The following RC3H1 variants were observed in gnomAD, a reference collection of about 807,000 sequenced individuals.
RC3H1 encodes the protein ring finger and CCCH-type domains 1.
In RC3H1, 50 loss-of-function variants were observed where a neutral mutation model predicts 138.2. The ratio of observed to expected loss-of-function variants is 0.36; its 90% CI spans 0.29 to 0.46. The LOEUF (loss-of-function observed/expected upper bound fraction) is 0.46. Among genes scored for constraint, RC3H1 ranks in the 20% least tolerant of loss-of-function variants. The pLI is 1.00. For synonymous variants in RC3H1, 462 were observed against 489.1 expected (o/e 0.94, Z 0.73); for missense variants, 1,031 against 1,388.1 (o/e 0.74, Z 4.09).
At chr1:173,958,589 A>T (rs548786901) in intron 13 of RC3H1, among the ~76,000 whole-genome samples, 140 of 152,284 alleles carry the variant, frequency 9.2e-4, no homozygotes, top group African/African-American at 3.2e-3. Context: ...AGACAAATAA[A>T]ATTGATAAAT....
At chr1:173,942,179 T>G (rs1337596813) in intron 18 of RC3H1, among the ~76,000 whole-genome samples, 1 of 149,792 alleles carries the variant, frequency 6.7e-6, no homozygotes, top group Non-Finnish European at 1.5e-5. Flanking sequence ...GAGGCAGAGG[T>G]TGCAGCGAGC....
At chr1:173,941,629 GA>G (rs990082081) in intron 18 of RC3H1, among the ~76,000 whole-genome samples, 3 of 152,052 alleles carry the variant, frequency 2.0e-5, no homozygotes, top group Non-Finnish European at 4.4e-5. Context: ...AAATTTCTCA[GA>G]AAAAAACAAT....
chr1:173,959,653 C>A (rs6425263), intron 13 of RC3H1, among the ~76,000 whole-genome samples: 1 of 151,912 alleles, frequency 6.6e-6, no homozygotes. Flanking sequence ...TGCCTGTAGT[C>A]CCAGCTACTT....
At chr1:174,009,800 T>C (rs982236961) in intron 1 of RC3H1, among the ~76,000 whole-genome samples, 14 of 152,216 alleles carry the variant, frequency 9.2e-5, no homozygotes, top group Admixed American at 6.5e-5. Flanking sequence ...ATCGTGCCAC[T>C]GCACTATAGC....
At chr1:174,018,252 C>T (rs949871674) in intron 1 of RC3H1, among the ~76,000 whole-genome samples, 5 of 152,150 alleles carry the variant, frequency 3.3e-5, no homozygotes, top group African/African-American at 9.7e-5. Flanking sequence ...CTCTGACATA[C>T]ATCTGCAAAT....
At chr1:174,005,593 G>A (rs901577583) in intron 1 of RC3H1, among the ~76,000 whole-genome samples, 3 of 151,890 alleles carry the variant, frequency 2.0e-5, no homozygotes, top group Admixed American at 1.3e-4. Flanking sequence ...AGATACTGAC[G>A]GACCTTCACA....
chr1:173,993,035 G>A lies in RC3H1; in HGVS notation c.-50C>T. 7.6e-7 allele frequency: 1 copy of A among 1,309,186 alleles called. No homozygotes were observed. Among genetic ancestry groups the A allele is most frequent in the Non-Finnish European group, 1.1e-6 (1 of 911,698 alleles). 81.1% of individuals were successfully genotyped at this position (1,309,186 alleles called of 1,614,324 possible). A position where few individuals can be genotyped will look rare whatever the true frequency, so the allele number is the denominator to read the frequency against. ...ACACAAACACACACACAAATCTAAA[G>A]CAAAGATTCCACTGGAATCAAAATC... On this transcript the variant is annotated 5_prime_UTR_variant, in exon 2 of 20. Coordinates refer to ENST00000367696, the MANE Select transcript of RC3H1 (RefSeq NM_172071.4).
intron 14 of RC3H1, among the ~76,000 whole-genome samples, chr1:173,951,587 C>T (rs1331611716): frequency 1.3e-5 from 2 of 151,960 alleles, no homozygotes; most frequent in African/African-American, 4.8e-5. Flanking sequence ...GTCACCCAGG[C>T]TGGAGTGCAG....
At chr1:173,947,670 G>T (rs1659191988) in intron 14 of RC3H1, 88 bp from the exon 15 acceptor site, 3 of 929,886 alleles carry the variant, frequency 3.2e-6, no homozygotes, top group South Asian at 2.8e-5. Flanking sequence ...GGTTAAAGAA[G>T]AGTACAGCAC....
intron 1 of RC3H1, among the ~76,000 whole-genome samples, chr1:174,017,000 T>C (rs1557954762): frequency 1.3e-5 from 2 of 152,170 alleles, no homozygotes; most frequent in Admixed American, 6.5e-5. Flanking sequence ...CTAACACTTA[T>C]TCAACAAGGG....
chr1:173,943,373 T>G, intron 18 of RC3H1, 69 bp downstream of exon 18: 1 of 1,478,100 alleles, frequency 6.8e-7, no homozygotes, highest in Non-Finnish European at 9.2e-7. Flanking sequence ...TCTGTGCCTC[T>G]AGATAATTCT....
chr1:173,972,450 C>T (rs975618074), intron 8 of RC3H1, 59 bp downstream of exon 8: 3 of 1,166,536 alleles, frequency 2.6e-6, no homozygotes, highest in Non-Finnish European at 3.9e-6. Context: ...AGTGGTTTAC[C>T]TATAGTTTTA....
chr1:174,008,976 GAAAAAAAAAAA>G (rs59047478), intron 1 of RC3H1, among the ~76,000 whole-genome samples: 1 of 84,242 alleles, frequency 1.2e-5, no homozygotes, highest in African/African-American at 3.8e-5. Flanking sequence ...GACTTTGTCT[GAAAAAAAAAAA>G]AAAAAAAAAA....
chr1:174,020,564 T>C (rs1661938831), intron 1 of RC3H1, among the ~76,000 whole-genome samples: 1 of 152,196 alleles, frequency 6.6e-6, no homozygotes, highest in South Asian at 2.1e-4. Flanking sequence ...CCCTTAGGCC[T>C]TGCAGTTGAA....
At chr1:173,951,330 C>A (rs531001615) in intron 14 of RC3H1, among the ~76,000 whole-genome samples, 7 of 151,564 alleles carry the variant, frequency 4.6e-5, no homozygotes, top group Non-Finnish European at 8.8e-5. Flanking sequence ...CATCCCCCCC[C>A]CAAAAAAAGA....
At chr1:173,977,815 A>G (rs1440618407) in intron 7 of RC3H1, among the ~76,000 whole-genome samples, 2 of 152,230 alleles carry the variant, frequency 1.3e-5, no homozygotes, top group Admixed American at 1.3e-4. Flanking sequence ...GAGATCACAG[A>G]AAGATATCAA....
rs1219492992 is a variant in RC3H1, at chr1:173,961,222, G to A, written c.2225C>T (p.Pro742Leu). The A allele has an allele frequency of 2.5e-6, 4 of 1,612,756 alleles. No homozygotes were observed. The highest frequency in any genetic ancestry group is 3.4e-6 in the Non-Finnish European group (4 of 1,179,630). ...ACTAGGATGAGGCTGGGGAGGAGGA[G>A]GAAGCCGGCTATAAGGAGGTTCCTA... The part of the protein sequence containing the change: ...YLREPPYSRL[P>L]PPPQPHPSLD... The change falls in exon 13 of 20, where the codon CCT becomes CTT. Residue 742 changes from proline to leucine, a missense_variant. Pro to Leu is a moderately conservative substitution (Grantham distance 98). Coordinates refer to ENST00000367696, the MANE Select transcript of RC3H1 (RefSeq NM_172071.4).
rs538267312 is a variant in RC3H1 at position 173,997,697 on chromosome 1, G to T, written c.-150-4562C>A. 2.0e-5 allele frequency among the ~76,000 whole-genome samples: 3 copies of T among 152,070 alleles called. No individual in the cohort carries two copies. In the East Asian group the frequency reaches 5.8e-4, roughly 29 times the overall value. On this transcript the variant is annotated intron_variant, in intron 1 of 19. Transcript: ENST00000367696. ...AATCAGTTCTTCATTAAAAATAAAA[G>T]CATTATTTTGACCATAAATACAGGT...
intron 1 of RC3H1, among the ~76,000 whole-genome samples, chr1:174,009,527 C>T (rs951056485): frequency 3.9e-5 from 6 of 152,078 alleles, no homozygotes; most frequent in Non-Finnish European, 8.8e-5. Flanking sequence ...GTATACCCAT[C>T]GATACTGAAA....
Sources: gnomAD v4.1 joint callset for allele counts (sites outside exome capture counted in the v4.1 genomes callset) on GRCh38, gnomAD v4.1.1 for gene constraint, MANE v1.5 for transcripts, NCBI Gene and HGNC (gene_info 2026-07-23, HGNC 2026-07-21) for gene names.